Variants in ERBB4 observed in about 807,000 individuals in gnomAD.
ERBB4 encodes the protein erb-b2 receptor tyrosine kinase 4, also known as receptor tyrosine-protein kinase erbB-4.
ERBB4 carries 42 observed loss-of-function variants against 158.0 expected under a neutral mutation model. The ratio of observed to expected loss-of-function variants is 0.27; its 90% CI spans 0.21 to 0.34. ERBB4 has a LOEUF of 0.34. ERBB4 is among the 10% of genes least tolerant of loss of function. The pLI is 1.00. For missense variants in ERBB4, 1,333 were observed against 1,624.1 expected, an observed-to-expected ratio of 0.82 and a Z score of 3.08; for synonymous variants, 583 against 558.7, an observed-to-expected ratio of 1.04 and a Z score of -0.61.
At chr2:212,031,789 C>G (rs1422950265) in intron 2 of ERBB4, among the ~76,000 whole-genome samples, 2 of 152,042 alleles carry the variant, frequency 1.3e-5, no homozygotes, top group Non-Finnish European at 2.9e-5. Flanking sequence ...CGATATGTAT[C>G]ACAAAATTTT....
At chr2:211,778,487 T>C (rs1018436709) in intron 4 of ERBB4, 1 of 152,170 alleles carries the variant, frequency 6.6e-6, no homozygotes, top group Non-Finnish European at 1.5e-5. Context: ...CTAATCCTAA[T>C]TGGGAGTTTC....
chr2:212,100,149 C>A (rs960290244), intron 2 of ERBB4, among the ~76,000 whole-genome samples: 1 of 152,124 alleles, frequency 6.6e-6, no homozygotes, highest in Non-Finnish European at 1.5e-5. Flanking sequence ...AAATTGACCT[C>A]CTGCAATAGA....
At chr2:211,617,143 C>T (rs1328906140) in intron 19 of ERBB4, among the ~76,000 whole-genome samples, 1 of 151,902 alleles carries the variant, frequency 6.6e-6, no homozygotes, top group Non-Finnish European at 1.5e-5. Context: ...AGGCTCTTAA[C>T]CCCCTTTTGC....
At chr2:212,190,342 C>T (rs1398209286) in intron 1 of ERBB4, among the ~76,000 whole-genome samples, 1 of 152,140 alleles carries the variant, frequency 6.6e-6, no homozygotes, top group Non-Finnish European at 1.5e-5. Flanking sequence ...CCAGACCATC[C>T]TGGCTAACAG....
chr2:211,543,666 G>T (rs1196743620), intron 20 of ERBB4, among the ~76,000 whole-genome samples: 3 of 151,696 alleles, frequency 2.0e-5, no homozygotes, highest in Non-Finnish European at 4.4e-5. Flanking sequence ...CTGAAATTCT[G>T]TATTTTGTAT....
Position 212,276,200 on chromosome 2 carries a change from G to C in ERBB4, c.83-151297C>G, listed in dbSNP as rs933209972. Among the ~76,000 whole-genome samples the C allele has an allele frequency of 2.0e-5, 3 of 151,558 alleles. No individual in the cohort carries two copies. The East Asian group carries it at 5.8e-4, about 30-fold the overall frequency. On this transcript the variant is annotated intron_variant, in intron 1 of 27. Coordinates refer to ENST00000342788, the MANE Select transcript of ERBB4 (RefSeq NM_005235.3). Reference sequence around the variant, plus strand: ...TCTTTTTCATTTTTTGTTTACCCATGGTTGACCAGAATGCCTAGAACATAG... The same window carrying C: ...TCTTTTTCATTTTTTGTTTACCCATCGTTGACCAGAATGCCTAGAACATAG...
chr2:211,472,412 G>A (rs1173057108), intron 20 of ERBB4, among the ~76,000 whole-genome samples: 2 of 150,858 alleles, frequency 1.3e-5, no homozygotes, highest in African/African-American at 4.9e-5. Flanking sequence ...GAGAGACAGG[G>A]ATGTTAGGAA....
chr2:211,624,524 G>C (rs964097900), intron 17 of ERBB4, among the ~76,000 whole-genome samples: 2 of 152,124 alleles, frequency 1.3e-5, no homozygotes, highest in Admixed American at 1.3e-4. Flanking sequence ...GTCTGGAGTA[G>C]GCCTGAAATG....
chr2:211,990,102 T>A (rs1280249705), intron 2 of ERBB4, among the ~76,000 whole-genome samples: 4 of 151,920 alleles, frequency 2.6e-5, no homozygotes, highest in Non-Finnish European at 5.9e-5. Flanking sequence ...CCTGAATTAT[T>A]TAAAAAGTAA....
intron 4 of ERBB4, among the ~76,000 whole-genome samples, chr2:211,776,119 C>G (rs111648725): frequency 0.043 from 6,596 of 152,204 alleles, 364 homozygotes; most frequent in African/African-American, 0.12. Flanking sequence ...AGTGGGGTAT[C>G]TAATCCCAGT....
At chr2:212,467,418 G>C (rs766429728) in intron 1 of ERBB4, among the ~76,000 whole-genome samples, 2 of 152,172 alleles carry the variant, frequency 1.3e-5, no homozygotes, top group Non-Finnish European at 2.9e-5. Flanking sequence ...TAGAGATTTG[G>C]TGCCCTGCAT....
chr2:211,625,343 G>A (rs2069801598), intron 17 of ERBB4, among the ~76,000 whole-genome samples: 1 of 152,134 alleles, frequency 6.6e-6, no homozygotes, highest in Admixed American at 6.5e-5. Context: ...AGTGCACTGT[G>A]GCCCTGCAGC....
rs116665281 is a variant in ERBB4 at position 211,504,155 on chromosome 2, T to C, written c.2487+57748A>G. Among the ~76,000 whole-genome samples the C allele has an allele frequency of 3.1e-3, 476 of 152,140 alleles. 4 individuals are homozygous for C. Among genetic ancestry groups the C allele is most frequent in the African/African-American group, 0.011 (452 of 41,540 alleles). ...GCCACCTACTAGCCAGTAGGATAAATTGCACTACCCAATATATAATTTCTG... is the reference window on the plus strand; with the variant it reads ...GCCACCTACTAGCCAGTAGGATAAACTGCACTACCCAATATATAATTTCTG... On this transcript the variant is annotated intron_variant, in intron 20 of 27. Coordinates refer to ENST00000342788, the MANE Select transcript of ERBB4 (RefSeq NM_005235.3).
intron 1 of ERBB4, among the ~76,000 whole-genome samples, chr2:212,351,512 T>G (rs1459633588): frequency 2.0e-5 from 3 of 152,202 alleles, no homozygotes; most frequent in Non-Finnish European, 4.4e-5. Flanking sequence ...TTAATTTGAT[T>G]TGATTTATAA....
chr2:212,285,060 T>A (rs2085909956), intron 1 of ERBB4, among the ~76,000 whole-genome samples: 1 of 152,140 alleles, frequency 6.6e-6, no homozygotes, highest in African/African-American at 2.4e-5. Flanking sequence ...AGATGTAAGA[T>A]ATCATTAGAA....
chr2:212,449,115 A>T (rs2092408167), intron 1 of ERBB4, among the ~76,000 whole-genome samples: 1 of 152,170 alleles, frequency 6.6e-6, no homozygotes. Flanking sequence ...ACTCATTAAA[A>T]TATCCAGATT....
At chr2:211,644,455 A>G (rs1377422672) in intron 16 of ERBB4, among the ~76,000 whole-genome samples, 1 of 9,502 alleles carries the variant, frequency 1.1e-4, no homozygotes, top group Non-Finnish European at 0.017. Context: ...AATGTAAGAG[A>G]AAAAAAAAAT....
intron 2 of ERBB4, among the ~76,000 whole-genome samples, chr2:212,113,254 A>G (rs553209526): frequency 6.6e-6 from 1 of 152,250 alleles, no homozygotes; most frequent in East Asian, 1.9e-4. Flanking sequence ...ATTACATGCA[A>G]AACCACAGAG....
At chr2:211,984,145 C>T (rs552490999) in intron 2 of ERBB4, among the ~76,000 whole-genome samples, 5 of 152,236 alleles carry the variant, frequency 3.3e-5, no homozygotes, top group South Asian at 4.1e-4. Flanking sequence ...AAAGATGGTA[C>T]GGATGGTGCC....
Sources: allele counts gnomAD v4.1 joint callset (sites outside exome capture counted in the v4.1 genomes callset), GRCh38; gene constraint gnomAD v4.1.1; transcripts MANE v1.5; gene names NCBI Gene and HGNC (gene_info 2026-07-23, HGNC 2026-07-21).